The following PSD3 variants were observed in gnomAD, a reference collection of about 807,000 sequenced individuals.
PSD3 encodes the protein pleckstrin and Sec7 domain containing 3, also known as PH and SEC7 domain-containing protein 3.
Under a neutral mutation model 105.5 loss-of-function variants are expected in PSD3, and 49 were observed. The ratio of observed to expected loss-of-function variants is 0.46; its 90% confidence interval spans 0.37 to 0.59. The LOEUF (loss-of-function observed/expected upper bound fraction) is 0.59, where lower values mean the gene tolerates loss of function less well. PSD3 is among the 20% of genes least tolerant of loss of function. PSD3 has a pLI of 0.00. For missense variants in PSD3, 1,561 were observed against 1,263.8 expected (o/e 1.24, Z -3.57); for synonymous variants, 557 against 457.8 (o/e 1.22, Z -2.77).
At chr8:18,544,201 A>C (rs2634415) in intron 15 of PSD3, among the ~76,000 whole-genome samples, 1 of 146,706 alleles carries the variant, frequency 6.8e-6, no homozygotes, top group African/African-American at 2.5e-5. Context: ...AAAAAAAACC[A>C]AACAAAACAA....
At chr8:18,837,925 A>T (rs1814254544) in intron 4 of PSD3, among the ~76,000 whole-genome samples, 2 of 151,950 alleles carry the variant, frequency 1.3e-5, no homozygotes, top group Non-Finnish European at 2.9e-5. Flanking sequence ...TGAAGATGCC[A>T]GTTGTCTATC....
intron 11 of PSD3, among the ~76,000 whole-genome samples, chr8:18,622,550 C>G (rs1391328907): frequency 6.6e-6 from 1 of 151,974 alleles, no homozygotes; most frequent in Non-Finnish European, 1.5e-5. Flanking sequence ...TGGAGCATAA[C>G]ATTATTATTA....
intron 9 of PSD3, among the ~76,000 whole-genome samples, chr8:18,737,622 T>C (rs1297855674): frequency 6.6e-6 from 1 of 152,148 alleles, no homozygotes; most frequent in Non-Finnish European, 1.5e-5. Flanking sequence ...TTTCAATAAA[T>C]TACTCAAAAG....
At chr8:18,617,472 A>T (rs1461910675) in intron 11 of PSD3, among the ~76,000 whole-genome samples, 1 of 152,222 alleles carries the variant, frequency 6.6e-6, no homozygotes, top group African/African-American at 2.4e-5. Flanking sequence ...CGCAGGTAGC[A>T]GTGAGCCGAG....
intron 10 of PSD3, among the ~76,000 whole-genome samples, chr8:18,650,993 A>T (rs1405945928): frequency 6.6e-6 from 1 of 152,190 alleles, no homozygotes; most frequent in African/African-American, 2.4e-5. Context: ...ACACTTCTTG[A>T]CTTAATTTTC....
At chr8:18,729,828 C>T (rs573843226) in intron 9 of PSD3, among the ~76,000 whole-genome samples, 2 of 152,318 alleles carry the variant, frequency 1.3e-5, no homozygotes, top group East Asian at 3.9e-4. Flanking sequence ...AATAAATCCT[C>T]ATGCTAAACC....
chr8:19,058,515 A>G (rs1267231000), intron 1 of PSD3, among the ~76,000 whole-genome samples: 2 of 149,982 alleles, frequency 1.3e-5, no homozygotes, highest in African/African-American at 4.9e-5. Flanking sequence ...CATTTATATT[A>G]TATGTGTGTT....
intron 12 of PSD3, among the ~76,000 whole-genome samples, chr8:18,579,866 A>T (rs942494136): frequency 4.5e-4 from 68 of 152,320 alleles, no homozygotes; most frequent in African/African-American, 1.5e-3. Context: ...TAAAATAGCT[A>T]CATGTACTTA....
chr8:18,758,027 T>C (rs988679133), intron 9 of PSD3, among the ~76,000 whole-genome samples: 1 of 152,214 alleles, frequency 6.6e-6, no homozygotes, highest in Admixed American at 6.5e-5. Context: ...GTCATTGTTT[T>C]ACTGACAGAA....
chr8:18,763,140 A>T, intron 9 of PSD3: 1 of 432,540 alleles, frequency 2.3e-6, no homozygotes, highest in African/African-American at 2.0e-5. Context: ...AACAGACATA[A>T]ATCCAAATGT....
chr8:18,594,363 A>G (rs6989312), intron 12 of PSD3, among the ~76,000 whole-genome samples: 1 of 109,182 alleles, frequency 9.2e-6, no homozygotes, highest in Non-Finnish European at 1.7e-5. Context: ...TATATTATAT[A>G]ATATATAAAT....
Position 18,871,664 on chromosome 8 carries a change from A to G in PSD3, c.1200T>C (p.His400=), listed in dbSNP as rs780704652. The stretch of plus-strand genomic sequence containing the variant: ...TCTCTGGTTTAGGTGTCTTCTCAAG[A>G]TGCTGTTTGTTTTCCTGTAGGAAGA... ...DEVFLQENKQ[H]LEKTPKPERD... The change falls in exon 3 of 16, where the codon CAT becomes CAC. Residue 400 remains histidine (H), a synonymous_variant. Coordinates refer to ENST00000327040, the MANE Select transcript of PSD3 (RefSeq NM_015310.4). 6.2e-7 allele frequency: 1 copy of G among 1,612,920 alleles called. No homozygotes were observed. The highest frequency in any genetic ancestry group is 8.5e-7 in the Non-Finnish European group (1 of 1,179,506).
intron 1 of PSD3, among the ~76,000 whole-genome samples, chr8:18,955,221 A>C (rs1823491431): frequency 6.6e-6 from 1 of 152,078 alleles, no homozygotes. Context: ...GCACCACACT[A>C]GACACCTGAT....
intron 4 of PSD3, among the ~76,000 whole-genome samples, chr8:18,859,754 G>T (rs142371558): frequency 1.0e-3 from 154 of 151,700 alleles, no homozygotes; most frequent in African/African-American, 3.5e-3. Flanking sequence ...TCCCTCACCT[G>T]TCTCAGCTTT....
chr8:18,871,181 G>GA (rs1254578237), intron 3 of PSD3, among the ~76,000 whole-genome samples: 1 of 152,162 alleles, frequency 6.6e-6, no homozygotes, highest in East Asian at 1.9e-4. Context: ...CGGCTGGACT[G>GA]AAGGCATTGG....
At chr8:18,568,992 T>C (rs1262829472) in intron 14 of PSD3, among the ~76,000 whole-genome samples, 2 of 145,462 alleles carry the variant, frequency 1.4e-5, no homozygotes, top group Non-Finnish European at 3.0e-5. Flanking sequence ...TTACTGAGAA[T>C]GATGATTTCC....
chr8:19,074,599 ATATATATATATATT>A (rs1829388722), intron 1 of PSD3, among the ~76,000 whole-genome samples: 11 of 22,472 alleles, frequency 4.9e-4, no homozygotes, highest in Admixed American at 5.9e-4. Flanking sequence ...ATACATATAT[ATATATATATATATT>A]TTTTTTTTTT....
chr8:18,936,750 T>TC (rs959865074), intron 1 of PSD3, among the ~76,000 whole-genome samples: 35 of 144,846 alleles, frequency 2.4e-4, no homozygotes, highest in African/African-American at 8.2e-4. Context: ...AGAGCTAGAC[T>TC]CCATCTCAAA....
Position 18,750,900 on chromosome 8 carries a change from G to A in PSD3, c.2172+14549C>T, listed in dbSNP as rs543929444. On this transcript the variant is annotated intron_variant, in intron 9 of 15. Transcript: ENST00000327040. ...AACCTTGAGCTAGATACAGAGTGCC[G>A]ACTGGTGTATTTACAATCCCTGAGT... Among the ~76,000 whole-genome samples, 150 of 152,176 alleles carry A rather than the reference G, an allele frequency of 9.9e-4. No individual in the cohort carries two copies. In the Middle Eastern group the frequency reaches 0.014, roughly 14 times the overall value.
Sources: allele counts gnomAD v4.1 joint callset (sites outside exome capture counted in the v4.1 genomes callset), GRCh38; gene constraint gnomAD v4.1.1; transcripts MANE v1.5; gene names NCBI Gene and HGNC (gene_info 2026-07-23, HGNC 2026-07-21).